The following COL19A1 variants were observed in gnomAD, a reference collection of about 807,000 sequenced individuals.
The protein encoded by COL19A1 is collagen alpha-1(XIX) chain.
COL19A1 carries 159 observed loss-of-function variants against 190.2 expected under a neutral mutation model. The observed-to-expected ratio is 0.84, with a 90% CI of 0.73 to 0.95. The LOEUF is 0.95. Among genes scored for constraint, COL19A1 ranks in the 40% least tolerant of loss-of-function variants. COL19A1 has a pLI of 0.00. For synonymous variants in COL19A1, 509 were observed against 458.9 expected, an observed-to-expected ratio of 1.11 and a Z score of -1.39; for missense variants, 1,418 against 1,431.9, an observed-to-expected ratio of 0.99 and a Z score of 0.16.
At chr6:70,062,403 T>C (rs1416843248) in intron 14 of COL19A1, among the ~76,000 whole-genome samples, 2 of 151,660 alleles carry the variant, frequency 1.3e-5, no homozygotes, top group South Asian at 4.1e-4. Flanking sequence ...AATTTAGTAA[T>C]AAAATAATTT....
At chr6:69,927,307 A>C (rs1007883289) in intron 4 of COL19A1, among the ~76,000 whole-genome samples, 3 of 152,186 alleles carry the variant, frequency 2.0e-5, no homozygotes, top group African/African-American at 7.2e-5. Context: ...CAATATTAGA[A>C]ATCTTCATTG....
At chr6:70,197,328 CAGG>C (rs2150304311) in intron 48 of COL19A1, among the ~76,000 whole-genome samples, 1 of 151,964 alleles carries the variant, frequency 6.6e-6, no homozygotes, top group African/African-American at 2.4e-5. Flanking sequence ...GAGGCTGAGG[CAGG>C]AGAATGGCGT....
At chr6:70,037,834 C>A (rs1582748405) in intron 14 of COL19A1, among the ~76,000 whole-genome samples, 1 of 152,078 alleles carries the variant, frequency 6.6e-6, no homozygotes, top group East Asian at 1.9e-4. Context: ...CTCTCTGCAC[C>A]AATTCATCTG....
At chr6:70,158,712 T>C (rs951620145) in intron 34 of COL19A1, among the ~76,000 whole-genome samples, 11 of 152,074 alleles carry the variant, frequency 7.2e-5, no homozygotes, top group African/African-American at 2.7e-4. Flanking sequence ...CAGCCAGATA[T>C]TATAGCAACA....
chr6:69,918,411 T>C (rs1187308051), intron 4 of COL19A1, among the ~76,000 whole-genome samples: 1 of 152,030 alleles, frequency 6.6e-6, no homozygotes, highest in Non-Finnish European at 1.5e-5. Context: ...ATAAAAACAG[T>C]AAGGGCTTGG....
intron 47 of COL19A1, among the ~76,000 whole-genome samples, chr6:70,189,511 C>A (rs565314760): frequency 1.9e-4 from 29 of 152,148 alleles, no homozygotes; most frequent in African/African-American, 6.7e-4. Context: ...ACACATATAC[C>A]CCTGGATAAT....
In COL19A1 at chr6:70,143,298, G is replaced by A. The variant is rs564792708; in HGVS notation, c.1626+478G>A. On this transcript the variant is annotated intron_variant, in intron 23 of 50. Coordinates refer to ENST00000620364, the MANE Select transcript of COL19A1 (RefSeq NM_001858.6). ...CTAAAAGTATGTCTGGAGGAAGATC[G>A]ACAGATTGCATTATAACCTAGCTTT... Among the ~76,000 whole-genome samples, 4 of 152,240 alleles carry A rather than the reference G, an allele frequency of 2.6e-5. No individual in the cohort carries two copies. The East Asian group carries it at 7.7e-4, about 29-fold the overall frequency.
intron 48 of COL19A1, among the ~76,000 whole-genome samples, chr6:70,190,672 C>T (rs1053438772): frequency 2.0e-5 from 3 of 152,190 alleles, no homozygotes; most frequent in Non-Finnish European, 4.4e-5. Flanking sequence ...ATCCCTCATA[C>T]TCCTCCTTAG....
At chr6:69,881,575 A>C (rs933044756) in intron 2 of COL19A1, among the ~76,000 whole-genome samples, 29 of 152,326 alleles carry the variant, frequency 1.9e-4, no homozygotes, top group Admixed American at 1.6e-3. Context: ...TAATCAGGTT[A>C]CATGATGTAT....
At chr6:69,909,425 G>A (rs1770763063) in intron 4 of COL19A1, among the ~76,000 whole-genome samples, 1 of 151,714 alleles carries the variant, frequency 6.6e-6, no homozygotes, top group African/African-American at 2.4e-5. Context: ...AATGTTCAAC[G>A]GAACAAATAT....
chr6:69,975,884 A>T (rs1775687135), intron 11 of COL19A1, among the ~76,000 whole-genome samples: 1 of 152,228 alleles, frequency 6.6e-6, no homozygotes, highest in Admixed American at 6.5e-5. Context: ...TATTTACCTC[A>T]CTAAAATTTA....
intron 16 of COL19A1, among the ~76,000 whole-genome samples, chr6:70,114,686 T>C (rs1206055795): frequency 1.3e-5 from 2 of 152,190 alleles, no homozygotes; most frequent in African/African-American, 4.8e-5. Flanking sequence ...TATTATCACC[T>C]GCATGTAAAT....
intron 12 of COL19A1, among the ~76,000 whole-genome samples, chr6:70,025,147 C>T (rs554487191): frequency 6.6e-6 from 1 of 151,838 alleles, no homozygotes; most frequent in Admixed American, 6.5e-5. Context: ...TCTCCTGCCT[C>T]AGCCTTCCGA....
At chr6:70,130,096 A>G (rs1474675106) in intron 17 of COL19A1, 86 bp from the exon 18 acceptor site, 1 of 1,446,450 alleles carries the variant, frequency 6.9e-7, no homozygotes, top group Non-Finnish European at 9.5e-7. Flanking sequence ...CAGAACTATT[A>G]TCTGACTGCT....
chr6:69,933,479 G>A (rs1772911244), intron 7 of COL19A1, among the ~76,000 whole-genome samples: 1 of 152,040 alleles, frequency 6.6e-6, no homozygotes, highest in Non-Finnish European at 1.5e-5. Flanking sequence ...CTAAGGAACA[G>A]GGCTAACAAA....
intron 40 of COL19A1, among the ~76,000 whole-genome samples, chr6:70,169,195 G>A (rs1403443694): frequency 6.6e-6 from 1 of 152,150 alleles, no homozygotes. Flanking sequence ...CAGCATGGAA[G>A]GAGATCATGT....
chr6:70,048,046 T>C (rs1256700114), intron 14 of COL19A1, among the ~76,000 whole-genome samples: 1 of 152,140 alleles, frequency 6.6e-6, no homozygotes, highest in Non-Finnish European at 1.5e-5. Context: ...AAGCCAAAGG[T>C]TAAGTCTGTC....
At chr6:69,909,313 G>T (rs1482860318) in intron 4 of COL19A1, among the ~76,000 whole-genome samples, 2 of 152,138 alleles carry the variant, frequency 1.3e-5, no homozygotes, top group Non-Finnish European at 2.9e-5. Flanking sequence ...ATAAGATACG[G>T]TTCTTGCCTC....
chr6:70,196,498 C>T (rs1346092617), intron 48 of COL19A1, among the ~76,000 whole-genome samples: 1 of 152,186 alleles, frequency 6.6e-6, no homozygotes, highest in African/African-American at 2.4e-5. Flanking sequence ...GAATTTCTGT[C>T]TTTGAAATAT....
Sources: allele counts gnomAD v4.1 joint callset (sites outside exome capture counted in the v4.1 genomes callset), GRCh38; gene constraint gnomAD v4.1.1; transcripts MANE v1.5; gene names NCBI Gene and HGNC (gene_info 2026-07-23, HGNC 2026-07-21).